The following ARHGAP24 variants were observed in gnomAD, a reference collection of about 807,000 sequenced individuals.
ARHGAP24 encodes the protein Rho GTPase activating protein 24.
ARHGAP24 carries 50 observed loss-of-function variants against 76.4 expected under a neutral mutation model. The ratio of observed to expected loss-of-function variants is 0.65; its 90% CI spans 0.52 to 0.83. ARHGAP24 has a LOEUF of 0.83. Ranked by LOEUF, ARHGAP24 falls within the 40% of genes least tolerant of loss-of-function variation. The pLI, the probability that ARHGAP24 is intolerant of heterozygous loss-of-function variation, is 0.00. For synonymous variants in ARHGAP24, 345 were observed against 323.3 expected, an observed-to-expected ratio of 1.07 and a Z score of -0.72; for missense variants, 930 against 914.2, an observed-to-expected ratio of 1.02 and a Z score of -0.22.
chr4:85,971,047 TAA>T (rs1738941918), intron 5 of ARHGAP24, among the ~76,000 whole-genome samples: 1 of 152,214 alleles, frequency 6.6e-6, no homozygotes, highest in Admixed American at 6.5e-5. Flanking sequence ...TAAAGGACGT[TAA>T]GTTTTCATTG....
intron 2 of ARHGAP24, among the ~76,000 whole-genome samples, chr4:85,680,657 T>G (rs901154807): frequency 6.6e-6 from 1 of 152,006 alleles, no homozygotes; most frequent in Non-Finnish European, 1.5e-5. Flanking sequence ...AAGTGACTAA[T>G]CCAGGGTCTC....
rs929310109 is a variant in ARHGAP24, at chr4:86,002,396, C to A, written c.*1674C>A. 1.3e-5 allele frequency: 2 copies of A among 152,134 alleles called. No individual in the cohort carries two copies. Among genetic ancestry groups the A allele is most frequent in the African/African-American group, 4.8e-5 (2 of 41,418 alleles). 9.4% of individuals were successfully genotyped at this position (152,134 alleles called of 1,614,324 possible). A position where few individuals can be genotyped will look rare whatever the true frequency, so the allele number is the denominator to read the frequency against. On this transcript the variant is annotated 3_prime_UTR_variant, in exon 10 of 10. Transcript: ENST00000395184. Reference sequence around the variant, plus strand: ...CAATTATTTAACCAGTTACTTCCACCTGGACATACGATAGGAAATTCAAAC... The same window carrying A: ...CAATTATTTAACCAGTTACTTCCACATGGACATACGATAGGAAATTCAAAC...
chr4:85,791,359 C>T (rs1021066682), intron 3 of ARHGAP24, among the ~76,000 whole-genome samples: 5 of 152,032 alleles, frequency 3.3e-5, no homozygotes, highest in Admixed American at 2.0e-4. Flanking sequence ...GAGGTACAAA[C>T]GTAAAATATT....
At chr4:85,639,924 A>T (rs1721462986) in intron 2 of ARHGAP24, among the ~76,000 whole-genome samples, 1 of 152,142 alleles carries the variant, frequency 6.6e-6, no homozygotes. Flanking sequence ...TGCGTTATAA[A>T]TAAAGCAATT....
At chr4:85,924,540 A>G (rs1006260379) in intron 4 of ARHGAP24, among the ~76,000 whole-genome samples, 1 of 152,218 alleles carries the variant, frequency 6.6e-6, no homozygotes, top group African/African-American at 2.4e-5. Context: ...GATATAGTTT[A>G]AAATAAATTG....
chr4:85,838,848 C>G (rs908276503), intron 3 of ARHGAP24, among the ~76,000 whole-genome samples: 2 of 152,092 alleles, frequency 1.3e-5, no homozygotes, highest in African/African-American at 2.4e-5. Context: ...GTTCTTCATT[C>G]GCATGGAGGG....
chr4:85,500,893 C>G (rs1196117963), intron 1 of ARHGAP24, among the ~76,000 whole-genome samples: 2 of 151,318 alleles, frequency 1.3e-5, no homozygotes, highest in African/African-American at 2.4e-5. Context: ...CCAACAGGCC[C>G]TGGTGTGTGA....
intron 9 of ARHGAP24, among the ~76,000 whole-genome samples, chr4:85,996,888 C>T (rs1740693359): frequency 6.6e-6 from 1 of 152,180 alleles, no homozygotes; most frequent in Non-Finnish European, 1.5e-5. Context: ...AGGGGTCACA[C>T]TTTAAATGTA....
intron 2 of ARHGAP24, among the ~76,000 whole-genome samples, chr4:85,613,088 G>A (rs1578077856): frequency 2.6e-5 from 4 of 152,126 alleles, no homozygotes; most frequent in Admixed American, 1.3e-4. Flanking sequence ...GTGAGCCACC[G>A]CACTCAGTCT....
At chr4:85,543,867 TAGA>T (rs1725803771) in intron 1 of ARHGAP24, among the ~76,000 whole-genome samples, 1 of 152,216 alleles carries the variant, frequency 6.6e-6, no homozygotes, top group Admixed American at 6.5e-5. Flanking sequence ...GTAGTCGTAG[TAGA>T]AGTAGTAGTT....
intron 1 of ARHGAP24, among the ~76,000 whole-genome samples, chr4:85,520,387 T>G (rs1443040872): frequency 6.6e-6 from 1 of 152,152 alleles, no homozygotes; most frequent in Non-Finnish European, 1.5e-5. Context: ...TGTCTAACTC[T>G]TCCGACTTCA....
At chr4:85,923,392 G>T (rs773535139) in intron 3 of ARHGAP24, among the ~76,000 whole-genome samples, 1 of 152,160 alleles carries the variant, frequency 6.6e-6, no homozygotes, top group Non-Finnish European at 1.5e-5. Context: ...AGGCCTGTGG[G>T]TTGTTGCTAG....
intron 1 of ARHGAP24, among the ~76,000 whole-genome samples, chr4:85,538,464 G>A (rs4391024): frequency 0.11 from 17,301 of 152,086 alleles, 3,161 homozygotes; most frequent in African/African-American, 0.38. Flanking sequence ...AGTAAGCTGT[G>A]AGGGAAAGGC....
chr4:85,565,152 G>A lies in ARHGAP24; in HGVS notation c.-20-5370G>A, dbSNP rs373639464. On this transcript the variant is annotated intron_variant, in intron 1 of 9. Coordinates refer to ENST00000395184, the MANE Select transcript of ARHGAP24 (RefSeq NM_001025616.3). Reference sequence around the variant, plus strand: ...ATACAGCTCAATATAATATCCTGCCGCTTGACAAACCAGCCTATTAGCAAT... The same window carrying A: ...ATACAGCTCAATATAATATCCTGCCACTTGACAAACCAGCCTATTAGCAAT... Among the ~76,000 whole-genome samples, 5 of 151,264 alleles carry A rather than the reference G, an allele frequency of 3.3e-5. No homozygotes were observed. The South Asian group carries it at 6.3e-4, about 19-fold the overall frequency.
chr4:85,749,944 CTCAGCAGCAGCAGCAGCAGCG>C (rs1472161717), intron 3 of ARHGAP24, among the ~76,000 whole-genome samples: 59 of 152,140 alleles, frequency 3.9e-4, no homozygotes, highest in African/African-American at 1.4e-3. Context: ...TCTCTGTGGT[CTCAGCAGCAGCAGCAGCAGCG>C]GCAGCAGCAG....
At chr4:85,748,420 T>C (rs1401262840) in intron 3 of ARHGAP24, among the ~76,000 whole-genome samples, 2 of 152,242 alleles carry the variant, frequency 1.3e-5, no homozygotes, top group South Asian at 2.1e-4. Context: ...TTGTTCAAGA[T>C]TGAAAGCAGT....
intron 3 of ARHGAP24, among the ~76,000 whole-genome samples, chr4:85,833,836 C>T (rs1008335510): frequency 6.6e-6 from 1 of 152,156 alleles, no homozygotes; most frequent in Admixed American, 6.6e-5. Context: ...TATTTATAAG[C>T]TCACTAGAAG....
intron 3 of ARHGAP24, among the ~76,000 whole-genome samples, chr4:85,914,974 C>G (rs1487327753): frequency 2.0e-5 from 3 of 152,106 alleles, no homozygotes; most frequent in Non-Finnish European, 4.4e-5. Flanking sequence ...CAACCTAAAC[C>G]AAACTAAATT....
At chr4:85,955,105 T>C (rs1207203404) in intron 5 of ARHGAP24, among the ~76,000 whole-genome samples, 1 of 152,190 alleles carries the variant, frequency 6.6e-6, no homozygotes, top group African/African-American at 2.4e-5. Flanking sequence ...TGTTCAGTAG[T>C]AGAAGGGCTG....
Sources: allele counts gnomAD v4.1 joint callset (sites outside exome capture counted in the v4.1 genomes callset), GRCh38; gene constraint gnomAD v4.1.1; transcripts MANE v1.5; gene names NCBI Gene and HGNC (gene_info 2026-07-23, HGNC 2026-07-21).